The following ZFHX3 variants were observed in gnomAD, a reference collection of about 807,000 sequenced individuals.
ZFHX3 encodes the protein zinc finger homeobox protein 3.
Under a neutral mutation model 279.1 loss-of-function variants are expected in ZFHX3, and 42 were observed. The observed-to-expected ratio is 0.15, with a 90% CI of 0.12 to 0.19. ZFHX3 has a LOEUF of 0.19. ZFHX3 is among the 10% of genes least tolerant of loss of function. The probability of loss-of-function intolerance (pLI) is 1.00; values close to 1 mark genes in which losing one functional copy is unlikely to be tolerated. For missense variants in ZFHX3, 4,981 were observed against 4,754.0 expected (o/e 1.05, Z -1.40); for synonymous variants, 2,293 against 1,957.8 (o/e 1.17, Z -4.52).
At chr16:73,140,673 T>C (rs1966845291) in intron 6 of ZFHX3, among the ~76,000 whole-genome samples, 1 of 152,182 alleles carries the variant, frequency 6.6e-6, no homozygotes, top group East Asian at 1.9e-4. Flanking sequence ...CTGGCCAACA[T>C]GGCGTAACCC....
At chr16:73,612,907 T>A (rs1296941245) in intron 2 of ZFHX3, among the ~76,000 whole-genome samples, 1 of 151,192 alleles carries the variant, frequency 6.6e-6, no homozygotes. Flanking sequence ...AAAAAAGAAG[T>A]AGGGATTTAG....
At chr16:73,203,096 A>G (rs2011668057) in intron 5 of ZFHX3, among the ~76,000 whole-genome samples, 1 of 151,910 alleles carries the variant, frequency 6.6e-6, no homozygotes, top group Non-Finnish European at 1.5e-5. Flanking sequence ...ATGCTCACAC[A>G]GCCTCTTGGT....
intron 2 of ZFHX3, among the ~76,000 whole-genome samples, chr16:73,512,016 G>A (rs1229176141): frequency 7.2e-5 from 11 of 152,064 alleles, no homozygotes; most frequent in South Asian, 2.1e-4. Context: ...CCTGCAACCC[G>A]ATACCAGGGT....
chr16:73,517,115 G>A (rs1017946802), intron 2 of ZFHX3, among the ~76,000 whole-genome samples: 4 of 152,054 alleles, frequency 2.6e-5, no homozygotes, highest in Non-Finnish European at 5.9e-5. Flanking sequence ...CTTCAGTCTC[G>A]CTTTACTGCA....
chr16:73,710,451 G>A (rs1013679220), intron 1 of ZFHX3, among the ~76,000 whole-genome samples: 5 of 152,074 alleles, frequency 3.3e-5, no homozygotes, highest in Admixed American at 2.0e-4. Flanking sequence ...TTTCGCACCC[G>A]TAACTCCAGT....
intron 3 of ZFHX3, among the ~76,000 whole-genome samples, chr16:72,935,633 C>T (rs954607042): frequency 6.6e-6 from 1 of 151,436 alleles, no homozygotes; most frequent in Non-Finnish European, 1.5e-5. Flanking sequence ...CCCAGCTACT[C>T]GGAAGGCTGA....
At chr16:73,252,987 C>G (rs1279008188) in intron 5 of ZFHX3, among the ~76,000 whole-genome samples, 1 of 152,202 alleles carries the variant, frequency 6.6e-6, no homozygotes, top group African/African-American at 2.4e-5. Context: ...GGAAGCAGAA[C>G]TGATTGACAA....
At chr16:73,726,376 G>A (rs890130572) in intron 1 of ZFHX3, among the ~76,000 whole-genome samples, 5 of 152,208 alleles carry the variant, frequency 3.3e-5, no homozygotes, top group Admixed American at 6.5e-5. Flanking sequence ...TGCAAGGATG[G>A]ACTAGAAGGA....
chr16:73,354,309 G>T (rs1207594202), intron 3 of ZFHX3, among the ~76,000 whole-genome samples: 2 of 152,186 alleles, frequency 1.3e-5, no homozygotes, highest in African/African-American at 4.8e-5. Flanking sequence ...TTTTAAGCTG[G>T]CAGGAACTTG....
intron 2 of ZFHX3, among the ~76,000 whole-genome samples, chr16:73,559,317 G>A (rs2020335290): frequency 6.6e-6 from 1 of 152,036 alleles, no homozygotes; most frequent in Non-Finnish European, 1.5e-5. Context: ...CAAAGTTTTG[G>A]GATTACGATC....
chr16:73,685,142 G>C (rs781431117), intron 1 of ZFHX3, among the ~76,000 whole-genome samples: 1 of 151,840 alleles, frequency 6.6e-6, no homozygotes. Flanking sequence ...AGCCTCCCGA[G>C]TAGCTGGGAC....
chr16:73,824,616 T>C (rs1260980315), intron 1 of ZFHX3, among the ~76,000 whole-genome samples: 117 of 114,928 alleles, frequency 1.0e-3, no homozygotes, highest in African/African-American at 3.9e-3. Flanking sequence ...GTGATCTCAT[T>C]GTTCAATTCC....
At chr16:73,273,031 G>A (rs2014194216) in intron 4 of ZFHX3, among the ~76,000 whole-genome samples, 1 of 152,118 alleles carries the variant, frequency 6.6e-6, no homozygotes, top group African/African-American at 2.4e-5. Flanking sequence ...ACATGTGTGA[G>A]CCACCGTGCC....
intron 8 of ZFHX3, among the ~76,000 whole-genome samples, chr16:73,081,068 T>G (rs1361999660): frequency 6.6e-6 from 1 of 152,214 alleles, no homozygotes; most frequent in African/African-American, 2.4e-5. Flanking sequence ...CCTTGGTCTA[T>G]CAAAAATCTT....
At chr16:72,952,823 T>A (rs1961058522) in intron 2 of ZFHX3, among the ~76,000 whole-genome samples, 1 of 152,142 alleles carries the variant, frequency 6.6e-6, no homozygotes, top group Non-Finnish European at 1.5e-5. Flanking sequence ...AGAGCAGCCT[T>A]CCCTCCAGTT....
intron 1 of ZFHX3, among the ~76,000 whole-genome samples, chr16:73,682,529 T>A (rs2053021349): frequency 1.3e-5 from 2 of 152,022 alleles, no homozygotes; most frequent in Non-Finnish European, 2.9e-5. Flanking sequence ...CTCACGCCTG[T>A]AATCCCAGCA....
intron 1 of ZFHX3, among the ~76,000 whole-genome samples, chr16:73,830,726 A>G (rs1041572629): frequency 6.6e-6 from 1 of 152,278 alleles, no homozygotes; most frequent in Non-Finnish European, 1.5e-5. Context: ...AACCAGCAGT[A>G]TATGAAAAAT....
chr16:72,944,543 C>A (rs1960568782), intron 3 of ZFHX3, among the ~76,000 whole-genome samples: 1 of 151,654 alleles, frequency 6.6e-6, no homozygotes, highest in Admixed American at 6.6e-5. Context: ...AGGTATTACA[C>A]AACGTCATTC....
intron 3 of ZFHX3, among the ~76,000 whole-genome samples, chr16:73,424,824 A>G (rs1350807946): frequency 2.0e-5 from 3 of 152,044 alleles, no homozygotes; most frequent in Admixed American, 1.3e-4. Flanking sequence ...CTGACTTAAA[A>G]GTAATCACCA....
Sources: allele counts gnomAD v4.1 joint callset (sites outside exome capture counted in the v4.1 genomes callset), GRCh38; gene constraint gnomAD v4.1.1; transcripts MANE v1.5; gene names NCBI Gene and HGNC (gene_info 2026-07-23, HGNC 2026-07-21).